DNAH14: variants seen among roughly 807,000 people sequenced by gnomAD.
DNAH14 encodes the protein dynein axonemal heavy chain 14.
Under a neutral mutation model 520.9 loss-of-function variants are expected in DNAH14, and 478 were observed. That is an observed-to-expected ratio of 0.92 (90% confidence interval 0.85 to 0.99). DNAH14 has a LOEUF of 0.99. Among genes scored for constraint, DNAH14 ranks in the 50% least tolerant of loss-of-function variants. The pLI, the probability that DNAH14 is intolerant of heterozygous loss-of-function variation, is 0.00. For missense variants in DNAH14, 4,831 were observed against 5,234.5 expected, an observed-to-expected ratio of 0.92 and a Z score of 2.38; for synonymous variants, 1,581 against 1,757.2, an observed-to-expected ratio of 0.90 and a Z score of 2.51.
At chr1:225,228,004 A>T (rs549686924) in intron 41 of DNAH14, among the ~76,000 whole-genome samples, 1 of 152,216 alleles carries the variant, frequency 6.6e-6, no homozygotes, top group South Asian at 2.1e-4. Context: ...TACTAGTGTC[A>T]TGGTATTAAG....
chr1:225,001,303 A>G (rs946722281), intron 8 of DNAH14, among the ~76,000 whole-genome samples: 2 of 152,092 alleles, frequency 1.3e-5, no homozygotes, highest in African/African-American at 2.4e-5. Flanking sequence ...TTTTAGTTGT[A>G]CTGAGCAGTA....
At chr1:225,335,127 ATATGTG>A (rs2094899619) in intron 66 of DNAH14, among the ~76,000 whole-genome samples, 1 of 144,640 alleles carries the variant, frequency 6.9e-6, no homozygotes, top group Non-Finnish European at 1.5e-5. Context: ...ACATGTGTAC[ATATGTG>A]CATGTGCACA....
In DNAH14 at chr1:225,152,779, A is replaced by G. The variant is rs1051507872; in HGVS notation, c.5092A>G (p.Ile1698Val). ...VAMMVPHYQM[I>V]AEIILFSFGF... ...AATGATGGTGCCCCATTATCAAATG[A>G]TTGCTGAAATAATATTGTTTTCATT... Residue 1698 changes from isoleucine to valine, a missense_variant, in exon 33 of 86, where the codon ATT becomes GTT. Transcript: ENST00000682510. 2.6e-6 allele frequency: 4 copies of G among 1,551,324 alleles called. No homozygotes were observed. The highest frequency in any genetic ancestry group is 3.9e-5 in the Admixed American group (2 of 50,960).
At chr1:225,248,160 A>G (rs1321039442) in intron 43 of DNAH14, among the ~76,000 whole-genome samples, 3 of 152,156 alleles carry the variant, frequency 2.0e-5, no homozygotes, top group Non-Finnish European at 4.4e-5. Flanking sequence ...CAAAATAAAG[A>G]TCCATTCGGA....
chr1:225,315,761 G>A (rs1340654357), intron 60 of DNAH14, among the ~76,000 whole-genome samples: 2 of 152,196 alleles, frequency 1.3e-5, no homozygotes, highest in Admixed American at 6.5e-5. Flanking sequence ...TATCACCAGC[G>A]AAGGCTGCAG....
chr1:225,308,175 C>A, intron 59 of DNAH14, 110 bp from the exon 60 acceptor site: 1 of 1,128,090 alleles, frequency 8.9e-7, no homozygotes, highest in Non-Finnish European at 1.2e-6. Context: ...ATATTTCAGG[C>A]TGATTTTAGT....
chr1:225,039,541 C>G (rs2067257501), intron 12 of DNAH14, among the ~76,000 whole-genome samples: 1 of 150,934 alleles, frequency 6.6e-6, no homozygotes, highest in African/African-American at 2.4e-5. Context: ...GGAAATATAT[C>G]TCATTTATTT....
Position 225,043,803 on chromosome 1 carries a change from AT to A in DNAH14, c.1814+18del. ...CATGTATTATGAGTAAGTATTAGAC[AT>A]TTTAAAAATTACGAGTAATTGTATT... On this transcript the variant is annotated intron_variant, in intron 14 of 85. Coordinates refer to ENST00000682510, the MANE Select transcript of DNAH14 (RefSeq NM_001367479.1). 3.4e-6 allele frequency: 5 copies of A among 1,457,726 alleles called. No homozygotes were observed. Among genetic ancestry groups the A allele is most frequent in the Non-Finnish European group, 3.7e-6 (4 of 1,067,896 alleles). 90.3% of individuals were successfully genotyped at this position (1,457,726 alleles called of 1,614,324 possible).
At chr1:225,200,256 G>C (rs1340910720) in intron 38 of DNAH14, among the ~76,000 whole-genome samples, 2 of 152,100 alleles carry the variant, frequency 1.3e-5, no homozygotes, top group Non-Finnish European at 2.9e-5. Flanking sequence ...GAAGGCAGCA[G>C]ATGGTTGGTG....
At chr1:225,267,961 C>A (rs1047095830) in intron 49 of DNAH14, among the ~76,000 whole-genome samples, 2 of 152,020 alleles carry the variant, frequency 1.3e-5, no homozygotes, top group South Asian at 2.1e-4. Flanking sequence ...CCAGCCTGGA[C>A]AATTCCCTGA....
At chr1:225,167,193 C>T (rs2082113876) in intron 35 of DNAH14, among the ~76,000 whole-genome samples, 2 of 152,168 alleles carry the variant, frequency 1.3e-5, no homozygotes. Flanking sequence ...GCCTTTTTCT[C>T]CATTGTACAG....
intron 81 of DNAH14, 36 bp from the exon 82 acceptor site, chr1:225,388,343 A>G: frequency 3.0e-6 from 4 of 1,336,142 alleles, no homozygotes; most frequent in African/African-American, 2.9e-5. Context: ...AAAGACAAAG[A>G]AAAAAAATGA....
At chr1:225,173,422 A>C (rs1190616704) in intron 36 of DNAH14, among the ~76,000 whole-genome samples, 3 of 152,210 alleles carry the variant, frequency 2.0e-5, no homozygotes, top group Non-Finnish European at 2.9e-5. Flanking sequence ...AGAAAAGAAC[A>C]AACAGCCCCA....
intron 35 of DNAH14, among the ~76,000 whole-genome samples, chr1:225,163,681 A>G (rs1032709351): frequency 3.3e-5 from 5 of 152,152 alleles, no homozygotes; most frequent in African/African-American, 1.2e-4. Flanking sequence ...ATGTTGAACT[A>G]TTTTTGTATC....
chr1:225,057,989 T>C (rs1186922848), intron 17 of DNAH14, among the ~76,000 whole-genome samples: 1 of 152,186 alleles, frequency 6.6e-6, no homozygotes, highest in Admixed American at 6.5e-5. Context: ...TCTAAAATTC[T>C]CTTTTTTTTG....
chr1:224,946,124 G>T (rs7527885), intron 1 of DNAH14, among the ~76,000 whole-genome samples: 3 of 152,170 alleles, frequency 2.0e-5, no homozygotes, highest in Non-Finnish European at 4.4e-5. Flanking sequence ...CCCTCTTTGA[G>T]CTGTGGTGGG....
At chr1:225,205,539 G>T (rs899384302) in intron 39 of DNAH14, among the ~76,000 whole-genome samples, 2 of 152,116 alleles carry the variant, frequency 1.3e-5, no homozygotes, top group African/African-American at 2.4e-5. Context: ...GGAGTAAATG[G>T]GTTCCAAATA....
At chr1:225,072,615 T>C (rs534614141) in intron 17 of DNAH14, among the ~76,000 whole-genome samples, 1 of 152,304 alleles carries the variant, frequency 6.6e-6, no homozygotes, top group South Asian at 2.1e-4. Context: ...CATTCTGGCT[T>C]TTTGAGTTTT....
rs1440011574 is a variant in DNAH14, at chr1:225,185,304, T to C, written c.5549T>C (p.Val1850Ala). ...ATTTTGTTTTAGGTTTGTGTTGGTG[T>C]GATGTTAGTGGGCCCAACAGGTGGA... ...FYNQLQVCVG[V>A]MLVGPTGGGK... Residue 1850 changes from valine (V) to alanine (A), a missense_variant, in exon 37 of 86, where the codon GTG becomes GCG. Transcript: ENST00000682510. The C allele has an allele frequency of 3.2e-6, 5 of 1,543,720 alleles. No homozygotes were observed. The East Asian group carries it at 9.9e-5, about 31-fold the overall frequency.
Sources: allele counts gnomAD v4.1 joint callset (sites outside exome capture counted in the v4.1 genomes callset), GRCh38; gene constraint gnomAD v4.1.1; transcripts MANE v1.5; gene names NCBI Gene and HGNC (gene_info 2026-07-23, HGNC 2026-07-21).